RNGTT: variants seen among roughly 807,000 people sequenced by gnomAD.
The protein encoded by RNGTT is mRNA-capping enzyme.
In RNGTT, 33 loss-of-function variants were observed where a neutral mutation model predicts 79.3. The ratio of observed to expected loss-of-function variants is 0.42; its 90% CI spans 0.32 to 0.56. RNGTT has a LOEUF of 0.56. Among genes scored for constraint, RNGTT ranks in the 20% least tolerant of loss-of-function variants. The pLI is 0.17. For synonymous variants in RNGTT, 222 were observed against 235.9 expected (o/e 0.94, Z 0.54); for missense variants, 497 against 739.1 (o/e 0.67, Z 3.80).
In RNGTT at chr6:88,677,117, G is replaced by A. The variant is rs181325977; in HGVS notation, c.1506+1236C>T. On this transcript the variant is annotated intron_variant, in intron 14 of 15. Transcript: ENST00000369485. ...TGGCAACAAAAAATAATAAACTAGC[G>A]ATAAGTGCAATAATGTGGATGAATC... is the stretch of plus-strand genomic sequence containing the variant. Among the ~76,000 whole-genome samples, 117 of 152,256 alleles carry A rather than the reference G, an allele frequency of 7.7e-4. 2 individuals are homozygous for A. Among genetic ancestry groups the A allele is most frequent in the Middle Eastern group, 6.8e-3 (2 of 294 alleles).
At chr6:88,931,239 G>A (rs1784506238) in intron 2 of RNGTT, among the ~76,000 whole-genome samples, 1 of 142,058 alleles carries the variant, frequency 7.0e-6, no homozygotes, top group Non-Finnish European at 1.5e-5. Context: ...GCTAATATAT[G>A]AAGATCTTCA....
chr6:88,913,214 C>CAAAAAAAAAA (rs58717773), intron 4 of RNGTT, among the ~76,000 whole-genome samples: 2 of 65,544 alleles, frequency 3.1e-5, no homozygotes, highest in South Asian at 5.0e-4. Flanking sequence ...CAAAAAAAAA[C>CAAAAAAAAAA]AAAAAAAAAA....
At chr6:88,887,705 A>G (rs919638407) in intron 8 of RNGTT, among the ~76,000 whole-genome samples, 8 of 152,232 alleles carry the variant, frequency 5.3e-5, no homozygotes, top group African/African-American at 1.9e-4. Context: ...ACACAACTAC[A>G]GAGGAGGAAC....
chr6:88,809,852 CA>C (rs2127869983), intron 11 of RNGTT, among the ~76,000 whole-genome samples: 1 of 151,646 alleles, frequency 6.6e-6, no homozygotes, highest in South Asian at 2.1e-4. Context: ...AGATTGAGAC[CA>C]GCCTGGGCAA....
At chr6:88,827,462 GC>G (rs1780708364) in intron 11 of RNGTT, among the ~76,000 whole-genome samples, 2 of 152,140 alleles carry the variant, frequency 1.3e-5, no homozygotes, top group South Asian at 4.2e-4. Flanking sequence ...AAACTAGGTG[GC>G]CGTTTGGGCA....
chr6:88,745,752 T>C (rs1276462254), intron 13 of RNGTT, among the ~76,000 whole-genome samples: 1 of 151,514 alleles, frequency 6.6e-6, no homozygotes, highest in East Asian at 1.9e-4. Flanking sequence ...ATCTGAAGTA[T>C]GTGTCGTATT....
chr6:88,769,661 T>A, intron 13 of RNGTT, 113 bp downstream of exon 13: 1 of 550,920 alleles, frequency 1.8e-6, no homozygotes. Flanking sequence ...AAATAAAGTA[T>A]TTTAGTTTCT....
At chr6:88,706,963 C>A (rs1053159570) in intron 13 of RNGTT, among the ~76,000 whole-genome samples, 7 of 152,098 alleles carry the variant, frequency 4.6e-5, no homozygotes, top group African/African-American at 1.4e-4. Flanking sequence ...GTTAATATGA[C>A]TACACAAAGA....
intron 1 of RNGTT, among the ~76,000 whole-genome samples, chr6:88,945,156 C>T (rs1235533416): frequency 6.6e-6 from 1 of 152,158 alleles, no homozygotes; most frequent in East Asian, 1.9e-4. Flanking sequence ...GCCACGCTAT[C>T]CCCATTCTTT....
chr6:88,648,031 G>T (rs1404166369), intron 14 of RNGTT, among the ~76,000 whole-genome samples: 2 of 152,118 alleles, frequency 1.3e-5, no homozygotes, highest in East Asian at 3.8e-4. Context: ...ACAAATAATA[G>T]CTCAACTTGA....
At chr6:88,960,998 G>C (rs1288954059) in intron 1 of RNGTT, among the ~76,000 whole-genome samples, 1 of 152,130 alleles carries the variant, frequency 6.6e-6, no homozygotes, top group Admixed American at 6.5e-5. Context: ...TGGGTGTAGA[G>C]GGTGTTGCAA....
chr6:88,960,964 T>C (rs904241032), intron 1 of RNGTT, among the ~76,000 whole-genome samples: 2 of 152,160 alleles, frequency 1.3e-5, no homozygotes, highest in Non-Finnish European at 2.9e-5. Context: ...CTCGATTGGA[T>C]TGAAGGATGC....
chr6:88,841,588 A>G (rs1441815689), intron 11 of RNGTT, among the ~76,000 whole-genome samples: 1 of 152,200 alleles, frequency 6.6e-6, no homozygotes, highest in Non-Finnish European at 1.5e-5. Context: ...AATGCCCTAA[A>G]CCAGGCATAT....
At chr6:88,862,058 T>C in intron 8 of RNGTT, among the ~76,000 whole-genome samples, 1 of 152,136 alleles carries the variant, frequency 6.6e-6, no homozygotes, top group East Asian at 1.9e-4. Flanking sequence ...TTAAACATCA[T>C]TTGTTTGCAT....
chr6:88,811,750 A>G (rs1780146431), intron 11 of RNGTT, among the ~76,000 whole-genome samples: 1 of 152,108 alleles, frequency 6.6e-6, no homozygotes, highest in Non-Finnish European at 1.5e-5. Flanking sequence ...AAAAAGAATA[A>G]ACTACCTCCA....
intron 14 of RNGTT, among the ~76,000 whole-genome samples, chr6:88,653,135 T>C (rs1483362042): frequency 1.3e-5 from 2 of 152,170 alleles, no homozygotes; most frequent in Non-Finnish European, 2.9e-5. Context: ...AGCAAAATAC[T>C]GGTTAAAGAA....
intron 14 of RNGTT, among the ~76,000 whole-genome samples, chr6:88,627,016 C>T (rs1051259203): frequency 1.2e-4 from 18 of 151,902 alleles, no homozygotes; most frequent in Admixed American, 1.2e-3. Flanking sequence ...GATATACAAC[C>T]AAGGAAAGCT....
chr6:88,809,824 G>A (rs1780077203), intron 11 of RNGTT, among the ~76,000 whole-genome samples: 1 of 152,062 alleles, frequency 6.6e-6, no homozygotes, highest in South Asian at 2.1e-4. Flanking sequence ...TGAGGTGGGA[G>A]GATCACTTAA....
At chr6:88,901,495 CTTTTTTTTTTTT>C (rs71024314) in intron 6 of RNGTT, among the ~76,000 whole-genome samples, 12 of 65,810 alleles carry the variant, frequency 1.8e-4, no homozygotes, top group South Asian at 6.2e-4. Context: ...GCACCCTGAT[CTTTTTTTTTTTT>C]TTTTTTTTTT....
Sources: allele counts gnomAD v4.1 joint callset (sites outside exome capture counted in the v4.1 genomes callset), GRCh38; gene constraint gnomAD v4.1.1; transcripts MANE v1.5; gene names NCBI Gene and HGNC (gene_info 2026-07-23, HGNC 2026-07-21).